TAFA1: variants seen among roughly 807,000 people sequenced by gnomAD.
TAFA1 encodes the protein TAFA chemokine like family member 1, also known as chemokine-like protein TAFA-1.
TAFA1 carries 4 observed loss-of-function variants against 18.5 expected under a neutral mutation model. The observed-to-expected ratio is 0.22, with a 90% CI of 0.11 to 0.49. The LOEUF is 0.49. TAFA1 is among the 20% of genes least tolerant of loss of function. The pLI is 0.98. For synonymous variants in TAFA1, 56 were observed against 55.2 expected, an observed-to-expected ratio of 1.01 and a Z score of -0.06; for missense variants, 147 against 169.0, an observed-to-expected ratio of 0.87 and a Z score of 0.72.
chr3:68,421,701 T>G (rs1427399482), intron 3 of TAFA1, among the ~76,000 whole-genome samples: 1 of 152,152 alleles, frequency 6.6e-6, no homozygotes, highest in Non-Finnish European at 1.5e-5. Context: ...GTGCTGATTT[T>G]TTTAAGATTT....
At chr3:68,031,448 G>A (rs1309802166) in intron 2 of TAFA1, among the ~76,000 whole-genome samples, 3 of 152,170 alleles carry the variant, frequency 2.0e-5, no homozygotes, top group African/African-American at 7.2e-5. Context: ...ATAGTGGGCA[G>A]TGCTTATAAA....
At chr3:68,485,554 G>A (rs13095473) in intron 3 of TAFA1, among the ~76,000 whole-genome samples, 29,758 of 151,982 alleles carry the variant, frequency 0.2, 3,030 homozygotes, top group African/African-American at 0.22. Context: ...AGCATCTAAG[G>A]TATTTCAATT....
intron 2 of TAFA1, among the ~76,000 whole-genome samples, chr3:68,355,250 G>A (rs182339626): frequency 3.3e-5 from 5 of 151,908 alleles, no homozygotes; most frequent in Admixed American, 2.6e-4. Context: ...CCTACTTTTG[G>A]GCTCTTTTAT....
intron 2 of TAFA1, among the ~76,000 whole-genome samples, chr3:68,093,415 T>G (rs748663581): frequency 2.0e-5 from 3 of 152,162 alleles, no homozygotes; most frequent in Non-Finnish European, 2.9e-5. Flanking sequence ...GAGGAAGACC[T>G]TAAAAACTTC....
intron 3 of TAFA1, among the ~76,000 whole-genome samples, chr3:68,456,468 C>T (rs2071668579): frequency 6.6e-6 from 1 of 152,230 alleles, no homozygotes; most frequent in Admixed American, 6.5e-5. Context: ...GGTCTGCGGC[C>T]TCTTGGTTAG....
At chr3:68,043,685 C>T (rs9869498) in intron 2 of TAFA1, among the ~76,000 whole-genome samples, 86,983 of 151,962 alleles carry the variant, frequency 0.57, 25,602 homozygotes, top group East Asian at 0.65. Flanking sequence ...TTTTTTCTCT[C>T]CTAGATTTCT....
intron 2 of TAFA1, among the ~76,000 whole-genome samples, chr3:68,290,623 G>A (rs753427832): frequency 9.9e-5 from 15 of 152,062 alleles, no homozygotes; most frequent in Non-Finnish European, 1.3e-4. Context: ...AGCTTTGACA[G>A]CTTCCTAATT....
chr3:68,143,860 G>T (rs949045047), intron 2 of TAFA1, among the ~76,000 whole-genome samples: 1 of 152,106 alleles, frequency 6.6e-6, no homozygotes, highest in African/African-American at 2.4e-5. Context: ...GAATTCCAGG[G>T]TACTTTTACC....
At chr3:68,145,141 C>A (rs1310551655) in intron 2 of TAFA1, 5 of 896,874 alleles carry the variant, frequency 5.6e-6, no homozygotes, top group Admixed American at 5.1e-5. Flanking sequence ...TATGTTTGCT[C>A]CGTAATGACA....
chr3:68,285,048 G>A (rs1033225830), intron 2 of TAFA1, among the ~76,000 whole-genome samples: 7 of 152,086 alleles, frequency 4.6e-5, no homozygotes, highest in Non-Finnish European at 5.9e-5. Flanking sequence ...TGATTGTGCC[G>A]CTGCACTCCA....
intron 2 of TAFA1, among the ~76,000 whole-genome samples, chr3:68,366,333 A>G (rs945855498): frequency 2.6e-5 from 4 of 152,184 alleles, no homozygotes; most frequent in African/African-American, 9.7e-5. Context: ...GAGAATTGTC[A>G]CAGGATGAGT....
chr3:68,178,959 G>A (rs2106979035), intron 2 of TAFA1, among the ~76,000 whole-genome samples: 1 of 152,230 alleles, frequency 6.6e-6, no homozygotes, highest in East Asian at 1.9e-4. Context: ...CACGTCTGGG[G>A]CTATTTTGTA....
chr3:68,003,060 A>G (rs1288918915), upstream of TAFA1, among the ~76,000 whole-genome samples: 7 of 152,248 alleles, frequency 4.6e-5, no homozygotes, highest in Non-Finnish European at 1.0e-4. Context: ...TGCAACACCA[A>G]CTAGAACTTT....
chr3:68,492,029 T>C lies in TAFA1; in HGVS notation c.260-46727T>C, dbSNP rs17047766. On this transcript the variant is annotated intron_variant, in intron 3 of 4. Coordinates refer to ENST00000478136, the MANE Select transcript of TAFA1 (RefSeq NM_213609.4). The stretch of plus-strand genomic sequence containing the variant: ...AATATGCCCTCGATTTATGTGTACT[T>C]ATTTCCTTAGTCTACGTACAAGCAG... 6.6e-3 allele frequency among the ~76,000 whole-genome samples: 1,002 copies of C among 152,318 alleles called. 12 individuals carry two copies. Among genetic ancestry groups the C allele is most frequent in the African/African-American group, 0.023 (963 of 41,568 alleles).
At chr3:68,036,569 C>T (rs1455106459) in intron 2 of TAFA1, among the ~76,000 whole-genome samples, 1 of 152,040 alleles carries the variant, frequency 6.6e-6, no homozygotes, top group East Asian at 1.9e-4. Flanking sequence ...TAGAGCCTGT[C>T]ACCTCTCTTT....
intron 2 of TAFA1, among the ~76,000 whole-genome samples, chr3:68,289,554 C>G (rs2068073869): frequency 7.2e-6 from 1 of 137,932 alleles, no homozygotes; most frequent in Non-Finnish European, 1.5e-5. Flanking sequence ...TTTATAAAGA[C>G]CTTCTTCTCT....
chr3:68,090,988 A>G (rs751328743), intron 2 of TAFA1, among the ~76,000 whole-genome samples: 1 of 152,214 alleles, frequency 6.6e-6, no homozygotes, highest in Non-Finnish European at 1.5e-5. Context: ...TGAGCTAAGT[A>G]TTAGGAGAGC....
chr3:68,446,773 G>C (rs1022109), intron 3 of TAFA1, among the ~76,000 whole-genome samples: 108,411 of 152,054 alleles, frequency 0.71, 39,116 homozygotes, highest in East Asian at 0.83. Context: ...GACACACTCT[G>C]TCATCTGCAT....
At chr3:68,335,035 C>G (rs984244556) in intron 2 of TAFA1, among the ~76,000 whole-genome samples, 1 of 152,162 alleles carries the variant, frequency 6.6e-6, no homozygotes, top group African/African-American at 2.4e-5. Flanking sequence ...ACCTTAGTAA[C>G]TTGTCAAGGT....
Sources: allele counts gnomAD v4.1 joint callset (sites outside exome capture counted in the v4.1 genomes callset), GRCh38; gene constraint gnomAD v4.1.1; transcripts MANE v1.5; gene names NCBI Gene and HGNC (gene_info 2026-07-23, HGNC 2026-07-21).